Variants in SCAMP3 observed in about 807,000 individuals in gnomAD.
SCAMP3 encodes the protein secretory carrier membrane protein 3.
SCAMP3 carries 30 observed loss-of-function variants against 44.1 expected under a neutral mutation model. The observed-to-expected ratio is 0.68, with a 90% CI of 0.51 to 0.92. The LOEUF is 0.92. Among genes scored for constraint, SCAMP3 ranks in the 40% least tolerant of loss-of-function variants. The pLI is 0.00. For synonymous variants in SCAMP3, 168 were observed against 171.1 expected (o/e 0.98, Z 0.14); for missense variants, 394 against 440.0 (o/e 0.90, Z 0.93).
At chr1:155,257,867 C>CG (rs1373829137) in intron 5 of SCAMP3, among the ~76,000 whole-genome samples, 3 of 151,862 alleles carry the variant, frequency 2.0e-5, no homozygotes, top group Non-Finnish European at 2.9e-5. Context: ...TTTTTTGAGA[C>CG]GGAGTCTGGC....
At chr1:155,257,441 G>C in intron 6 of SCAMP3, 55 bp from the exon 7 acceptor site, 1 of 1,607,642 alleles carries the variant, frequency 6.2e-7, no homozygotes, top group Non-Finnish European at 8.5e-7. Context: ...CTGAAGGATG[G>C]GCAGACGTGG....
At chr1:155,259,049 T>G in intron 4 of SCAMP3, 95 bp from the exon 5 acceptor site, 2 of 559,786 alleles carry the variant, frequency 3.6e-6, no homozygotes, top group East Asian at 8.9e-5. Context: ...ATCCTCTCTT[T>G]TTTTTTTTTT....
Position 155,257,391 on chromosome 1 carries a change from A to G in SCAMP3, c.678-5T>C, listed in dbSNP as rs766250664. ...AAATTGAATGAACTGTCACTCCTAC[A>G]AAGAGGAAAAAAATGGGGAGGGTGG... is the stretch of plus-strand genomic sequence containing the variant. On this transcript the variant is annotated splice_region_variant and splice_polypyrimidine_tract_variant and intron_variant, in intron 6 of 8. Coordinates refer to ENST00000302631, the MANE Select transcript of SCAMP3 (RefSeq NM_005698.4). 8.7e-6 allele frequency: 14 copies of G among 1,612,288 alleles called. No individual in the cohort carries two copies. The African/African-American group carries it at 1.5e-4, about 17-fold the overall frequency.
intron 1 of SCAMP3, 102 bp from the exon 2 acceptor site, chr1:155,261,836 G>T: frequency 9.0e-7 from 1 of 1,107,102 alleles, no homozygotes; most frequent in Non-Finnish European, 1.4e-6. Flanking sequence ...CTGCACCTTC[G>T]GGGCCACGCC....
At chr1:155,257,927 C>T (rs1672849636) in intron 5 of SCAMP3, among the ~76,000 whole-genome samples, 1 of 152,166 alleles carries the variant, frequency 6.6e-6, no homozygotes, top group African/African-American at 2.4e-5. Context: ...TTACTGCAAG[C>T]TCCGCCTCCC....
Position 155,256,779 on chromosome 1 carries a change from A to G in SCAMP3, c.792T>C (p.Ser264=). 1 of 1,614,054 alleles carries G rather than the reference A, an allele frequency of 6.2e-7. No homozygotes were observed. Among genetic ancestry groups the G allele is most frequent in the Non-Finnish European group, 8.5e-7 (1 of 1,179,896 alleles). ...TGTTGCCCTTCGGCACCACCAGAGC[A>G]GAGATCCAGCCACTGTAAAGGGAAG... The part of the protein sequence containing the change: ...IPGWGFSGWI[S]ALVVPKGNTA... The change falls in exon 8 of 9, where the codon TCT becomes TCC. Residue 264 remains serine, a synonymous_variant. Transcript: ENST00000302631.
intron 4 of SCAMP3, 92 bp from the exon 5 acceptor site, chr1:155,259,046 C>CTTT (rs34682738): frequency 9.4e-4 from 460 of 486,938 alleles, no homozygotes; most frequent in South Asian, 1.2e-3. Flanking sequence ...TGGATCCTCT[C>CTTT]TTTTTTTTTT....
chr1:155,257,825 A>G (rs1221461487), intron 5 of SCAMP3, among the ~76,000 whole-genome samples, 168 bp from the exon 6 acceptor site: 2 of 150,722 alleles, frequency 1.3e-5, no homozygotes, highest in Non-Finnish European at 2.9e-5. Context: ...GCAAATGTCA[A>G]TAATGTGTGA....
chr1:155,261,913 TA>T, intron 1 of SCAMP3, 172 bp downstream of exon 1: 1 of 807,394 alleles, frequency 1.2e-6, no homozygotes, highest in Non-Finnish European at 2.0e-6. Flanking sequence ...ACCAGCCCAT[TA>T]AGGGGCAGGG....
At chr1:155,258,282 G>C (rs1448485963) in intron 5 of SCAMP3, among the ~76,000 whole-genome samples, 1 of 142,548 alleles carries the variant, frequency 7.0e-6, no homozygotes, top group East Asian at 2.0e-4. Context: ...GCCTCCCAAA[G>C]TGCTGGGATT....
chr1:155,257,499 G>T lies in SCAMP3; in HGVS notation c.676C>A (p.Arg226=). ...CTCTCCCACCACTAACACACTTACC[G>T]GAAAGCCTTATACATGGGGCGGTAC... ...CWYRPMYKAF[R]SDSSFNFFVF... is the part of the protein sequence containing the mutation. Residue 226 remains arginine, a splice_region_variant and synonymous_variant, in exon 6 of 9, where the codon CGG becomes AGG. Transcript: ENST00000302631. The T allele has an allele frequency of 6.2e-7, 1 of 1,613,404 alleles. No homozygotes were observed. Among genetic ancestry groups the T allele is most frequent in the Non-Finnish European group, 8.5e-7 (1 of 1,179,638 alleles).
chr1:155,259,657 A>AC (rs1481374410), intron 4 of SCAMP3, among the ~76,000 whole-genome samples: 1 of 151,852 alleles, frequency 6.6e-6, no homozygotes, highest in Non-Finnish European at 1.5e-5. Flanking sequence ...GAGGCACCAT[A>AC]CCCAGCCCTG....
At position 155,262,222 on chromosome 1, in the gene SCAMP3, C is replaced by A; in HGVS notation, c.-71G>T. ...CCGCAGCAGTGGCGGTAGCGGTAGC[C>A]CTCAGAGTCCACTTCACTCGCCTCA... On this transcript the variant is annotated 5_prime_UTR_variant, in exon 1 of 9. Coordinates refer to ENST00000302631, the MANE Select transcript of SCAMP3 (RefSeq NM_005698.4). 7.1e-7 allele frequency: 1 copy of A among 1,418,018 alleles called. No individual in the cohort carries two copies. Among genetic ancestry groups the A allele is most frequent in the Non-Finnish European group, 9.8e-7 (1 of 1,019,090 alleles). 87.8% of individuals were successfully genotyped at this position (1,418,018 alleles called of 1,614,324 possible).
intron 4 of SCAMP3, among the ~76,000 whole-genome samples, chr1:155,259,656 T>C (rs1057245602): frequency 6.6e-6 from 1 of 152,126 alleles, no homozygotes; most frequent in East Asian, 1.9e-4. Context: ...TGAGGCACCA[T>C]ACCCAGCCCT....
At chr1:155,261,439 C>T (rs1043750473) in intron 2 of SCAMP3, 9 of 599,204 alleles carry the variant, frequency 1.5e-5, no homozygotes, top group Non-Finnish European at 2.4e-5. Flanking sequence ...TCCAGATCTT[C>T]CCAGGACTGA....
intron 1 of SCAMP3, 87 bp downstream of exon 1, chr1:155,261,999 A>AGGATCCC: frequency 7.4e-7 from 1 of 1,344,792 alleles, no homozygotes; most frequent in Non-Finnish European, 1.1e-6. Flanking sequence ...ATCAAATGTC[A>AGGATCCC]CAAATGGGGA....
intron 4 of SCAMP3, 91 bp from the exon 5 acceptor site, chr1:155,259,045 T>G: frequency 1.5e-6 from 1 of 681,382 alleles, no homozygotes; most frequent in Non-Finnish European, 2.2e-6. Flanking sequence ...CTGGATCCTC[T>G]CTTTTTTTTT....
intron 4 of SCAMP3, among the ~76,000 whole-genome samples, 155 bp downstream of exon 4, chr1:155,260,175 G>A (rs1672923342): frequency 6.6e-6 from 1 of 152,030 alleles, no homozygotes; most frequent in Non-Finnish European, 1.5e-5. Context: ...GGCTAGGATG[G>A]TCTCGATCTC....
chr1:155,262,187 C>T lies in SCAMP3; in HGVS notation c.-36G>A, dbSNP rs763950885. The T allele has an allele frequency of 3.8e-6, 6 of 1,598,296 alleles. No homozygotes were observed. The highest frequency in any genetic ancestry group is 5.1e-6 in the Non-Finnish European group (6 of 1,169,872). On this transcript the variant is annotated 5_prime_UTR_variant, in exon 1 of 9. Coordinates refer to ENST00000302631, the MANE Select transcript of SCAMP3 (RefSeq NM_005698.4). ...GCGGCCTCCGCGGCCCTCTGCCCTC[C>T]ACGCCCCTGCCGCAGCAGTGGCGGT... is the stretch of plus-strand genomic sequence containing the variant.
Sources: allele counts gnomAD v4.1 joint callset (sites outside exome capture counted in the v4.1 genomes callset), GRCh38; gene constraint gnomAD v4.1.1; transcripts MANE v1.5; gene names NCBI Gene and HGNC (gene_info 2026-07-23, HGNC 2026-07-21).